Variants in KYNU observed in about 807,000 individuals in gnomAD.
KYNU encodes the protein kynureninase, also known as L-kynurenine hydrolase.
In KYNU, 54 loss-of-function variants were observed where a neutral mutation model predicts 59.2. The ratio of observed to expected loss-of-function variants is 0.91; its 90% CI spans 0.73 to 1.14. The LOEUF (loss-of-function observed/expected upper bound fraction) is 1.14, where lower values mean the gene tolerates loss of function less well. KYNU is among the 50% of genes most tolerant of loss of function. KYNU has a pLI of 0.00. For missense variants in KYNU, 567 were observed against 554.4 expected (o/e 1.02, Z -0.23); for synonymous variants, 177 against 192.0 (o/e 0.92, Z 0.65).
intron 10 of KYNU, among the ~76,000 whole-genome samples, chr2:143,014,920 G>A (rs1350386562): frequency 6.6e-6 from 1 of 152,136 alleles, no homozygotes; most frequent in Non-Finnish European, 1.5e-5. Flanking sequence ...TAGAGACAGG[G>A]TCTGGCTCCG....
At chr2:143,033,712 A>T (rs1335029339) in intron 12 of KYNU, among the ~76,000 whole-genome samples, 1 of 152,192 alleles carries the variant, frequency 6.6e-6, no homozygotes, top group Non-Finnish European at 1.5e-5. Flanking sequence ...ACATAAATTT[A>T]TTGAGAAAAT....
intron 3 of KYNU, among the ~76,000 whole-genome samples, chr2:142,926,047 G>C (rs982580476): frequency 1.3e-5 from 2 of 152,034 alleles, no homozygotes; most frequent in African/African-American, 4.8e-5. Context: ...ACCAAGCACC[G>C]CATGTTCTCA....
intron 2 of KYNU, among the ~76,000 whole-genome samples, chr2:142,911,820 T>G (rs1182283957): frequency 2.0e-5 from 3 of 152,196 alleles, no homozygotes; most frequent in African/African-American, 7.2e-5. Context: ...GTTTTTGTTC[T>G]CAATTATCTT....
At chr2:142,931,508 T>G (rs1451526272) in intron 4 of KYNU, among the ~76,000 whole-genome samples, 2 of 152,190 alleles carry the variant, frequency 1.3e-5, no homozygotes, top group East Asian at 3.8e-4. Flanking sequence ...CATTTGCTGC[T>G]TCACGAATGA....
At chr2:142,969,050 C>G (rs187956671) in intron 8 of KYNU, among the ~76,000 whole-genome samples, 27 of 152,126 alleles carry the variant, frequency 1.8e-4, no homozygotes, top group Admixed American at 4.6e-4. Context: ...ATCCTCATTC[C>G]CTCAGTGACA....
At chr2:142,901,815 T>C (rs1277691555) in intron 2 of KYNU, among the ~76,000 whole-genome samples, 1 of 152,208 alleles carries the variant, frequency 6.6e-6, no homozygotes, top group Non-Finnish European at 1.5e-5. Context: ...CATACCTCGC[T>C]TTTGAAGTCC....
intron 4 of KYNU, 37 bp from the exon 5 acceptor site, chr2:142,954,773 G>A (rs904925682): frequency 7.3e-7 from 1 of 1,368,172 alleles, no homozygotes; most frequent in East Asian, 2.3e-5. Context: ...TTTAGACATA[G>A]TACAAACATC....
At chr2:142,971,708 A>T (rs1684729432) in intron 8 of KYNU, among the ~76,000 whole-genome samples, 1 of 152,216 alleles carries the variant, frequency 6.6e-6, no homozygotes, top group South Asian at 2.1e-4. Flanking sequence ...CTGCTAGACA[A>T]GTGAATGTAT....
rs1023288378 is a variant in KYNU at position 143,042,051 on chromosome 2, A to T, written c.1277A>T (p.Asp426Val). ...QELEKRGVVC[D>V]KRNPNGIRVA... Reference sequence around the variant, plus strand: ...GGCTTTATTTTTTCCCCACAGTGTGACAAGCGGAATCCAAATGGCATTCGA... The same window carrying T: ...GGCTTTATTTTTTCCCCACAGTGTGTCAAGCGGAATCCAAATGGCATTCGA... The change falls in exon 14 of 14, where the codon GAC (aspartate) becomes GTC (valine). Residue 426 changes from aspartate (D) to valine (V), a missense_variant. By Grantham distance (152) the Asp-to-Val change is radical. Transcript: ENST00000264170. The T allele has an allele frequency of 2.5e-6, 4 of 1,611,658 alleles. No individual in the cohort carries two copies. The African/African-American group carries it at 5.3e-5, about 22-fold the overall frequency.
intron 2 of KYNU, among the ~76,000 whole-genome samples, chr2:142,886,066 T>C (rs1430993620): frequency 6.6e-6 from 1 of 152,200 alleles, no homozygotes; most frequent in Non-Finnish European, 1.5e-5. Context: ...AAATACATAC[T>C]ACATTTTAAA....
intron 2 of KYNU, among the ~76,000 whole-genome samples, chr2:142,902,248 G>T (rs80300972): frequency 0.025 from 3,855 of 152,280 alleles, 168 homozygotes; most frequent in Admixed American, 0.11. Flanking sequence ...GCCATGGTTT[G>T]CAAGCTGGTC....
chr2:142,996,424 G>T (rs754850923), intron 10 of KYNU, among the ~76,000 whole-genome samples: 3 of 152,064 alleles, frequency 2.0e-5, no homozygotes, highest in Non-Finnish European at 4.4e-5. Context: ...TCATTGTGTT[G>T]CCCACGCTGG....
intron 10 of KYNU, among the ~76,000 whole-genome samples, chr2:143,015,052 C>T (rs1431308177): frequency 6.6e-6 from 1 of 152,036 alleles, no homozygotes; most frequent in East Asian, 1.9e-4. Flanking sequence ...TGCCACCATG[C>T]CTTGCTATTT....
At chr2:142,966,543 G>A (rs192854403) in intron 8 of KYNU, among the ~76,000 whole-genome samples, 23 of 152,290 alleles carry the variant, frequency 1.5e-4, no homozygotes, top group African/African-American at 5.5e-4. Flanking sequence ...ACTAGTTATT[G>A]TGTGTTCCTG....
intron 2 of KYNU, among the ~76,000 whole-genome samples, chr2:142,915,589 T>C (rs193047440): frequency 1.3e-4 from 20 of 152,322 alleles, no homozygotes; most frequent in Non-Finnish European, 2.9e-5. Context: ...ACATTTTTGA[T>C]GCACTAAAAT....
At chr2:142,913,351 C>G (rs1682568304) in intron 2 of KYNU, among the ~76,000 whole-genome samples, 1 of 152,162 alleles carries the variant, frequency 6.6e-6, no homozygotes, top group Non-Finnish European at 1.5e-5. Context: ...CCTCATAATA[C>G]TGTGTTTGCT....
At chr2:142,991,136 G>C (rs1021006897) in intron 10 of KYNU, among the ~76,000 whole-genome samples, 2 of 151,898 alleles carry the variant, frequency 1.3e-5, no homozygotes, top group African/African-American at 4.8e-5. Flanking sequence ...ATTGTATGAA[G>C]AGATCGTCTT....
chr2:142,981,410 C>CT (rs1685048207), intron 8 of KYNU, among the ~76,000 whole-genome samples: 1 of 152,046 alleles, frequency 6.6e-6, no homozygotes, highest in African/African-American at 2.4e-5. Flanking sequence ...GAATAATTAA[C>CT]TTTTTTCCCC....
chr2:143,013,223 C>T lies in KYNU; in HGVS notation c.903-16404C>T, dbSNP rs147891487. On this transcript the variant is annotated intron_variant, in intron 10 of 13. Transcript: ENST00000264170. Reference sequence around the variant, plus strand: ...ATCCATGTTGTGGTAAATGGCAAGACCTTATTATTTTTTAGGGCTAAATAA... The same window carrying T: ...ATCCATGTTGTGGTAAATGGCAAGATCTTATTATTTTTTAGGGCTAAATAA... Among the ~76,000 whole-genome samples the T allele has an allele frequency of 8.6e-4, 131 of 152,102 alleles. 2 individuals are homozygous for T. The highest frequency in any genetic ancestry group is 5.0e-3 in the South Asian group (24 of 4,820).
Sources: gnomAD v4.1 joint callset for allele counts (sites outside exome capture counted in the v4.1 genomes callset) on GRCh38, gnomAD v4.1.1 for gene constraint, MANE v1.5 for transcripts, NCBI Gene and HGNC (gene_info 2026-07-23, HGNC 2026-07-21) for gene names.